GCFC2: variants seen among roughly 807,000 people sequenced by gnomAD.
GCFC2 encodes GC-rich sequence DNA-binding factor 2, also known as intron Large complex component GCFC2.
In GCFC2, 102 loss-of-function variants were observed where a neutral mutation model predicts 99.4. The ratio of observed to expected loss-of-function variants is 1.03; its 90% confidence interval spans 0.87 to 1.21. The LOEUF (loss-of-function observed/expected upper bound fraction) is 1.21. GCFC2 is among the 50% of genes most tolerant of loss of function. The probability of loss-of-function intolerance (pLI) is 0.00; values close to 1 mark genes in which losing one functional copy is unlikely to be tolerated. For synonymous variants in GCFC2, 338 were observed against 316.8 expected (o/e 1.07, Z -0.71); for missense variants, 973 against 920.9 (o/e 1.06, Z -0.73).
intron 12 of GCFC2, among the ~76,000 whole-genome samples, chr2:75,676,741 TCTTTTA>T (rs1393673518): frequency 1.3e-5 from 2 of 152,220 alleles, no homozygotes; most frequent in Admixed American, 6.5e-5. Context: ...GTCTCTCTCA[TCTTTTA>T]CTTATATAGT....
rs1678701864 is a variant in GCFC2 at position 75,663,504 on chromosome 2, A to G, written c.*1162T>C. The G allele has an allele frequency of 6.6e-6, 1 of 152,230 alleles. No individual in the cohort carries two copies. Among genetic ancestry groups the G allele is most frequent in the Admixed American group, 6.5e-5 (1 of 15,282 alleles). 9.4% of individuals were successfully genotyped at this position (152,230 alleles called of 1,614,324 possible). ...CTTCTTAGTCCTACCACCAATGACA[A>G]AAAAACAAAATAGTAACTTGCTAAT... On this transcript the variant is annotated 3_prime_UTR_variant, in exon 17 of 17. Coordinates refer to ENST00000321027, the MANE Select transcript of GCFC2 (RefSeq NM_003203.5).
At chr2:75,679,998 C>A in intron 12 of GCFC2, 195 bp downstream of exon 12, 1 of 473,356 alleles carries the variant, frequency 2.1e-6, no homozygotes, top group Non-Finnish European at 3.7e-6. Flanking sequence ...ATAGCCAAGT[C>A]CAGTTTAAAA....
At chr2:75,700,597 A>C (rs1680542199) in intron 4 of GCFC2, among the ~76,000 whole-genome samples, 1 of 152,200 alleles carries the variant, frequency 6.6e-6, no homozygotes, top group Admixed American at 6.5e-5. Context: ...TTGAGGGCTA[A>C]ACTTTACTTT....
In GCFC2 at chr2:75,687,816, C is replaced by T. The variant is rs779698698; in HGVS notation, c.1690+11G>A. 34 of 1,590,134 alleles carry T rather than the reference C, an allele frequency of 2.1e-5. No individual in the cohort carries two copies. The Middle Eastern group carries it at 5.0e-4, about 23-fold the overall frequency. ...AAATAATTTAATTTTACCAAGGTTA[C>T]GAAGCAGTACCTGTAAGTCGGGGAA... On this transcript the variant is annotated intron_variant, in intron 11 of 16. Transcript: ENST00000321027.
intron 15 of GCFC2, among the ~76,000 whole-genome samples, chr2:75,668,028 G>A (rs1177545647): frequency 6.6e-6 from 1 of 152,166 alleles, no homozygotes; most frequent in African/African-American, 2.4e-5. Context: ...TAATTTTGAT[G>A]AATGTGTAAG....
In GCFC2 at chr2:75,710,799, G is replaced by T. The variant is rs763259272; in HGVS notation, c.57C>A (p.Ser19Arg). The change falls in exon 1 of 17, where the codon AGC becomes AGA. Residue 19 changes from serine (S) to arginine (R), a missense_variant. Physicochemically the swap from Ser to Arg is moderately radical, Grantham distance 110. Coordinates refer to ENST00000321027, the MANE Select transcript of GCFC2 (RefSeq NM_003203.5). ...CAGCAGGCGACTCCTCGGCGCCATCGCTGTCGCTGGAATCAGCCGCGCGCT... is the reference window on the plus strand; with the variant it reads ...CAGCAGGCGACTCCTCGGCGCCATCTCTGTCGCTGGAATCAGCCGCGCGCT... ...FRQRAADSSDSDGAEESPAEP... is the reference protein window; with the variant it reads ...FRQRAADSSDRDGAEESPAEP... The T allele has an allele frequency of 1.9e-6, 3 of 1,577,906 alleles. No individual in the cohort carries two copies.
chr2:75,671,764 CATTT>C (rs34342745), intron 14 of GCFC2, among the ~76,000 whole-genome samples, 182 bp downstream of exon 14: 38,262 of 151,902 alleles, frequency 0.25, 6,843 homozygotes, highest in African/African-American at 0.52. Context: ...CAGCCATGTT[CATTT>C]GTTTATGTAC....
At chr2:75,712,935 G>A (rs1681249376), upstream of GCFC2, among the ~76,000 whole-genome samples, 1 of 152,198 alleles carries the variant, frequency 6.6e-6, no homozygotes, top group South Asian at 2.1e-4. Context: ...TAAATTGGAA[G>A]ACCTTAGAAG....
intron 11 of GCFC2, among the ~76,000 whole-genome samples, chr2:75,686,712 C>G (rs1490435709): frequency 2.6e-5 from 4 of 152,160 alleles, no homozygotes; most frequent in African/African-American, 9.7e-5. Context: ...CCACTGTACT[C>G]CAGTCTGGGT....
intron 4 of GCFC2, among the ~76,000 whole-genome samples, chr2:75,700,516 G>GA (rs1310457951): frequency 1.3e-5 from 2 of 151,908 alleles, no homozygotes; most frequent in African/African-American, 4.8e-5. Flanking sequence ...ATTGTGAAGT[G>GA]AAAAAAACAG....
intron 10 of GCFC2, 99 bp downstream of exon 10, chr2:75,688,927 C>T (rs139637643): frequency 1.5e-4 from 98 of 670,836 alleles, no homozygotes; most frequent in Non-Finnish European, 2.0e-4. Flanking sequence ...ATTTCAGCTC[C>T]GACTCTAAGG....
At chr2:75,701,847 C>G in intron 3 of GCFC2, 1 of 974,456 alleles carries the variant, frequency 1.0e-6, no homozygotes, top group Non-Finnish European at 1.2e-6. Flanking sequence ...TAATACATGA[C>G]ATCTAAAATC....
intron 15 of GCFC2, 111 bp downstream of exon 15, chr2:75,670,027 T>G: frequency 1.1e-5 from 7 of 647,182 alleles, no homozygotes; most frequent in Non-Finnish European, 1.6e-5. Context: ...GCCTGGCCCA[T>G]TTGTCTATAT....
rs755242520 is a variant in GCFC2 at position 75,694,287 on chromosome 2, C to T, written c.974G>A (p.Ser325Asn). Residue 325 changes from serine (S) to asparagine (N), a missense_variant, in exon 6 of 17, where the codon AGC (serine) becomes AAC (asparagine). Physicochemically the swap from Ser to Asn is conservative, Grantham distance 46. Transcript: ENST00000321027. Reference protein sequence around the residue: ...NQALNCKFYKSMKIYVENLID... With the variant: ...NQALNCKFYKNMKIYVENLID... ...TAAATTTTCCACATAAATTTTCATG[C>T]TTTTATAGAATTTACAATTTAGAGC... The T allele has an allele frequency of 1.7e-6, 2 of 1,194,008 alleles. No individual in the cohort carries two copies. Among genetic ancestry groups the T allele is most frequent in the Non-Finnish European group, 1.2e-6 (1 of 820,618 alleles). 74.0% of individuals were successfully genotyped at this position (1,194,008 alleles called of 1,614,324 possible). A position where few individuals can be genotyped will look rare whatever the true frequency, so the allele number is the denominator to read the frequency against.
At chr2:75,706,697 G>T in intron 1 of GCFC2, 46 bp from the exon 2 acceptor site, 6 of 1,339,910 alleles carry the variant, frequency 4.5e-6, no homozygotes, top group South Asian at 2.5e-5. Context: ...TCAAAATAAT[G>T]GAATTATTAA....
intron 1 of GCFC2, 113 bp downstream of exon 1, chr2:75,710,478 T>G: frequency 4.3e-6 from 6 of 1,390,350 alleles, no homozygotes; most frequent in Non-Finnish European, 5.6e-6. Context: ...AGACTCAGCA[T>G]GGCTTGTGGT....
At chr2:75,711,642 A>T (rs2104448453), upstream of GCFC2, among the ~76,000 whole-genome samples, 1 of 152,336 alleles carries the variant, frequency 6.6e-6, no homozygotes, top group Non-Finnish European at 1.5e-5. Context: ...CCGGGTGGGC[A>T]TGGGCTTGGC....
At chr2:75,698,991 G>A (rs75295881) in intron 4 of GCFC2, among the ~76,000 whole-genome samples, 10,704 of 145,586 alleles carry the variant, frequency 0.074, 381 homozygotes, top group Middle Eastern at 0.094. Context: ...CAGCCTAGGC[G>A]ACAAAGAGAA....
At position 75,687,996 on chromosome 2, in the gene GCFC2, A is replaced by G. The variant is rs769456300; in HGVS notation, c.1540-19T>C. On this transcript the variant is annotated intron_variant, in intron 10 of 16. Transcript: ENST00000321027. Reference sequence around the variant, plus strand: ...ATTCCAACTTACAAAGAAAATTACAAAAGTTATAAAGAAATCTTTCAACAT... The same window carrying G: ...ATTCCAACTTACAAAGAAAATTACAGAAGTTATAAAGAAATCTTTCAACAT... 1.3e-5 allele frequency: 19 copies of G among 1,468,158 alleles called. No homozygotes were observed. The African/African-American group carries it at 1.7e-4, about 13-fold the overall frequency. 90.9% of individuals were successfully genotyped at this position (1,468,158 alleles called of 1,614,324 possible).
Sources: gnomAD v4.1 joint callset for allele counts (sites outside exome capture counted in the v4.1 genomes callset) on GRCh38, gnomAD v4.1.1 for gene constraint, MANE v1.5 for transcripts, NCBI Gene and HGNC (gene_info 2026-07-23, HGNC 2026-07-21) for gene names.